Variants in CD96 observed in about 807,000 individuals in gnomAD.
CD96 encodes CD96 molecule.
CD96 carries 70 observed loss-of-function variants against 71.3 expected under a neutral mutation model. That is an observed-to-expected ratio of 0.98 (90% confidence interval 0.81 to 1.20). The LOEUF is 1.20. Ranked by LOEUF, CD96 falls within the 50% of genes most tolerant of loss-of-function variation. The pLI is 0.00. For synonymous variants in CD96, 248 were observed against 233.0 expected, an observed-to-expected ratio of 1.06 and a Z score of -0.59; for missense variants, 742 against 677.5, an observed-to-expected ratio of 1.10 and a Z score of -1.06.
intron 3 of CD96, among the ~76,000 whole-genome samples, chr3:111,573,025 G>T (rs1333985707): frequency 6.6e-6 from 1 of 152,142 alleles, no homozygotes; most frequent in African/African-American, 2.4e-5. Context: ...AACACAAAGG[G>T]TTAACTCTCT....
intron 3 of CD96, among the ~76,000 whole-genome samples, chr3:111,572,562 C>A (rs1391542242): frequency 1.3e-5 from 2 of 152,124 alleles, no homozygotes; most frequent in East Asian, 3.9e-4. Flanking sequence ...TTCTTACAAA[C>A]ATATATAATC....
intron 5 of CD96, chr3:111,594,479 A>T (rs1405961121): frequency 8.1e-6 from 3 of 371,966 alleles, no homozygotes; most frequent in Non-Finnish European, 1.5e-5. Context: ...GGCCAGAAAG[A>T]CAAAACATAT....
Position 111,649,742 on chromosome 3 carries a change from A to C in CD96, c.1646A>C (p.Lys549Thr). The C allele has an allele frequency of 6.2e-7, 1 of 1,614,088 alleles. No individual in the cohort carries two copies. Among genetic ancestry groups the C allele is most frequent in the Non-Finnish European group, 8.5e-7 (1 of 1,179,898 alleles). The change falls in exon 14 of 14, where the codon AAG (lysine) becomes ACG (threonine). Residue 549 changes from lysine to threonine, a missense_variant. Coordinates refer to ENST00000352690, the MANE Select transcript of CD96 (RefSeq NM_005816.5). ...PPFKPPPPPIKYTCIQEPNES... is the reference protein window; with the variant it reads ...PPFKPPPPPITYTCIQEPNES... ...TTCAAGCCACCACCACCTCCCATCAAGTACACTTGCATTCAAGAGCCCAAC... is the reference window on the plus strand; with the variant it reads ...TTCAAGCCACCACCACCTCCCATCACGTACACTTGCATTCAAGAGCCCAAC...
intron 1 of CD96, 66 bp from the exon 2 acceptor site, chr3:111,544,980 G>A (rs1484779596): frequency 1.5e-6 from 2 of 1,367,956 alleles, no homozygotes; most frequent in South Asian, 1.2e-5. Context: ...AAGTGACTAG[G>A]GTTTTTAATT....
chr3:111,572,224 G>A (rs1936014688), intron 3 of CD96, among the ~76,000 whole-genome samples: 1 of 152,296 alleles, frequency 6.6e-6, no homozygotes, highest in Non-Finnish European at 1.5e-5. Context: ...ATAATCATAT[G>A]AGACTCTCAT....
intron 14 of CD96, among the ~76,000 whole-genome samples, chr3:111,664,167 ACC>A (rs1160977024): frequency 1.4e-5 from 2 of 145,352 alleles, no homozygotes. Flanking sequence ...TTGGGTGTAT[ACC>A]CAAAGGAAAA....
At chr3:111,631,921 C>G (rs149888944) in intron 10 of CD96, among the ~76,000 whole-genome samples, 76 of 152,198 alleles carry the variant, frequency 5.0e-4, no homozygotes, top group African/African-American at 1.7e-3. Context: ...AAATGGCTAG[C>G]CATATGCAGA....
intron 7 of CD96, among the ~76,000 whole-genome samples, chr3:111,605,618 C>A (rs17281311): frequency 0.097 from 14,738 of 152,152 alleles, 951 homozygotes; most frequent in Non-Finnish European, 0.14. Context: ...AGATTATTTG[C>A]ACAAAAGCAT....
At chr3:111,593,516 G>A in intron 5 of CD96, 1 of 1,507,888 alleles carries the variant, frequency 6.6e-7, no homozygotes, top group Non-Finnish European at 8.9e-7. Flanking sequence ...TAGAGTCAAT[G>A]TTTTCAGAAT....
At chr3:111,622,903 C>T (rs1029537080) in intron 8 of CD96, among the ~76,000 whole-genome samples, 4 of 152,162 alleles carry the variant, frequency 2.6e-5, no homozygotes, top group African/African-American at 2.4e-5. Context: ...AAATGTGGGG[C>T]CCACATCTAC....
At chr3:111,628,768 G>A (rs192023843) in intron 10 of CD96, among the ~76,000 whole-genome samples, 70 of 152,252 alleles carry the variant, frequency 4.6e-4, no homozygotes, top group Middle Eastern at 3.4e-3. Context: ...CAGAGAAAAA[G>A]GCCAGGTCAC....
intron 3 of CD96, among the ~76,000 whole-genome samples, chr3:111,568,635 T>C (rs1935833393): frequency 6.6e-6 from 1 of 152,228 alleles, no homozygotes; most frequent in Admixed American, 6.5e-5. Flanking sequence ...GCCTTTGTTA[T>C]TTTATCCTTA....
At chr3:111,555,908 A>G (rs1172834204) in intron 2 of CD96, among the ~76,000 whole-genome samples, 4 of 152,300 alleles carry the variant, frequency 2.6e-5, no homozygotes, top group African/African-American at 7.2e-5. Context: ...GTATGTTACC[A>G]TACTTGATAC....
chr3:111,594,240 TG>T, intron 5 of CD96: 1 of 1,526,808 alleles, frequency 6.5e-7, no homozygotes, highest in South Asian at 1.3e-5. Flanking sequence ...TGTGCTTAGA[TG>T]TGAGCCAAAA....
At chr3:111,567,000 T>C (rs768208108) in intron 2 of CD96, among the ~76,000 whole-genome samples, 2 of 152,044 alleles carry the variant, frequency 1.3e-5, no homozygotes, top group Non-Finnish European at 2.9e-5. Flanking sequence ...GAAGTGCCAG[T>C]GTGGGTTCGT....
At chr3:111,587,391 T>C (rs1936764358) in intron 5 of CD96, among the ~76,000 whole-genome samples, 1 of 152,114 alleles carries the variant, frequency 6.6e-6, no homozygotes, top group Non-Finnish European at 1.5e-5. Flanking sequence ...CTAGGTGGTG[T>C]CCCATTAGGG....
intron 14 of CD96, among the ~76,000 whole-genome samples, chr3:111,665,265 T>C (rs1221864436): frequency 6.6e-6 from 1 of 152,102 alleles, no homozygotes; most frequent in Non-Finnish European, 1.5e-5. Context: ...TATTTCCAAG[T>C]AGAAAGTTTA....
At chr3:111,629,213 A>C (rs1478496039) in intron 10 of CD96, among the ~76,000 whole-genome samples, 4 of 152,230 alleles carry the variant, frequency 2.6e-5, no homozygotes, top group Non-Finnish European at 4.4e-5. Context: ...AAAGACACAG[A>C]ATGGCAAGCT....
chr3:111,638,700 C>T (rs186868096), intron 12 of CD96, among the ~76,000 whole-genome samples: 61 of 152,268 alleles, frequency 4.0e-4, no homozygotes, highest in Admixed American at 3.4e-3. Flanking sequence ...AGTTCACAGG[C>T]ATAATCAACT....
Sources: gnomAD v4.1 joint callset for allele counts (sites outside exome capture counted in the v4.1 genomes callset) on GRCh38, gnomAD v4.1.1 for gene constraint, MANE v1.5 for transcripts, NCBI Gene and HGNC (gene_info 2026-07-23, HGNC 2026-07-21) for gene names.